Variants in SLC25A12 observed in about 807,000 individuals in gnomAD.
SLC25A12 encodes the protein solute carrier family 25 member 12, also known as electrogenic aspartate/glutamate antiporter SLC25A12, mitochondrial.
Under a neutral mutation model 83.3 loss-of-function variants are expected in SLC25A12, and 32 were observed. The ratio of observed to expected loss-of-function variants is 0.38; its 90% CI spans 0.29 to 0.52. The LOEUF is 0.52. SLC25A12 is among the 20% of genes least tolerant of loss of function. SLC25A12 has a pLI of 0.84. For synonymous variants in SLC25A12, 267 were observed against 291.1 expected (o/e 0.92, Z 0.84); for missense variants, 611 against 835.6 (o/e 0.73, Z 3.31).
chr2:171,819,242 A>G (rs1325319807), intron 9 of SLC25A12, among the ~76,000 whole-genome samples: 1 of 126,502 alleles, frequency 7.9e-6, no homozygotes, highest in Non-Finnish European at 1.6e-5. Context: ...TATATAATAT[A>G]TACTAATATA....
chr2:171,843,944 C>A (rs936819402), intron 5 of SLC25A12, among the ~76,000 whole-genome samples: 1 of 151,856 alleles, frequency 6.6e-6, no homozygotes, highest in Non-Finnish European at 1.5e-5. Flanking sequence ...TACAGGCGCC[C>A]GCCACCACAC....
At chr2:171,849,138 C>T (rs774348274) in intron 4 of SLC25A12, among the ~76,000 whole-genome samples, 1 of 151,694 alleles carries the variant, frequency 6.6e-6, no homozygotes, top group African/African-American at 2.4e-5. Flanking sequence ...TGCAGTGAGC[C>T]GAGATCACAC....
intron 13 of SLC25A12, among the ~76,000 whole-genome samples, chr2:171,806,483 C>T (rs574901715): frequency 6.6e-6 from 1 of 152,024 alleles, no homozygotes; most frequent in East Asian, 1.9e-4. Context: ...AAAAACAAAC[C>T]AGATAATAAA....
chr2:171,831,792 G>A (rs140822246), intron 8 of SLC25A12, among the ~76,000 whole-genome samples: 97 of 152,106 alleles, frequency 6.4e-4, no homozygotes, highest in African/African-American at 1.9e-3. Flanking sequence ...CCAGCTACTC[G>A]GGAGGCTGAG....
chr2:171,786,311 G>A (rs943755238), intron 17 of SLC25A12, among the ~76,000 whole-genome samples: 1 of 150,924 alleles, frequency 6.6e-6, no homozygotes, highest in African/African-American at 2.4e-5. Flanking sequence ...TTGAACCTGG[G>A]AGGTGGAGGT....
intron 13 of SLC25A12, among the ~76,000 whole-genome samples, chr2:171,799,239 G>C (rs951781520): frequency 2.0e-5 from 3 of 152,160 alleles, no homozygotes; most frequent in Non-Finnish European, 4.4e-5. Flanking sequence ...TTTAATAGCA[G>C]CCAAAATGAA....
At position 171,814,660 on chromosome 2, in the gene SLC25A12, T is replaced by C. The variant is rs562300975; in HGVS notation, c.1012+461A>G. On this transcript the variant is annotated intron_variant, in intron 10 of 17. Coordinates refer to ENST00000422440, the MANE Select transcript of SLC25A12 (RefSeq NM_003705.5). ...CCTTCCTGCCACCCTCCCCCACAAG[T>C]AGACCCCAGTGTCTGTTGTTTCCTT... 1.1e-4 allele frequency among the ~76,000 whole-genome samples: 17 copies of C among 151,466 alleles called. No homozygotes were observed. The East Asian group carries it at 1.7e-3, about 16-fold the overall frequency.
chr2:171,836,070 CCTTTCTCT>C (rs1424264553), intron 6 of SLC25A12, among the ~76,000 whole-genome samples: 1 of 152,142 alleles, frequency 6.6e-6, no homozygotes, highest in Non-Finnish European at 1.5e-5. Flanking sequence ...TCCTTCCCTC[CCTTTCTCT>C]CTTTCTCTCT....
In SLC25A12 at chr2:171,844,376, A is replaced by G; in HGVS notation, c.458T>C (p.Phe153Ser). The G allele has an allele frequency of 6.2e-7, 1 of 1,614,018 alleles. No homozygotes were observed. Among genetic ancestry groups the G allele is most frequent in the Non-Finnish European group, 8.5e-7 (1 of 1,179,944 alleles). The part of the protein sequence containing the change: ...KHLNYTEFTQ[F>S]LQELQLEHAR... ...TATGAAAACTAAGCTCACCTGGAGA[A>G]ACTGCGTGAATTCTGTGTAGTTAAG... is the stretch of plus-strand genomic sequence containing the variant. Residue 153 changes from phenylalanine to serine, a missense_variant, in exon 5 of 18, where the codon TTT becomes TCT. Transcript: ENST00000422440.
intron 17 of SLC25A12, among the ~76,000 whole-genome samples, chr2:171,785,990 G>A (rs1037242788): frequency 6.6e-6 from 1 of 151,950 alleles, no homozygotes; most frequent in Non-Finnish European, 1.5e-5. Context: ...ACATATGAAA[G>A]TAATTTTTAA....
chr2:171,851,834 C>A (rs1684940647), intron 4 of SLC25A12, among the ~76,000 whole-genome samples: 1 of 152,114 alleles, frequency 6.6e-6, no homozygotes, highest in South Asian at 2.1e-4. Context: ...TGCTCCCGGC[C>A]TTTTTTTCAA....
At chr2:171,826,043 CT>C (rs531861398) in intron 9 of SLC25A12, among the ~76,000 whole-genome samples, 16 of 151,458 alleles carry the variant, frequency 1.1e-4, no homozygotes, top group African/African-American at 3.6e-4. Flanking sequence ...TCACTAATTA[CT>C]TTTTTTTTCC....
At chr2:171,791,705 TGAG>T in intron 14 of SLC25A12, 116 bp from the exon 15 acceptor site, 2 of 958,966 alleles carry the variant, frequency 2.1e-6, no homozygotes, top group Non-Finnish European at 3.4e-6. Flanking sequence ...GTGACAAGCC[TGAG>T]GTGTCCCTTA....
intron 8 of SLC25A12, among the ~76,000 whole-genome samples, chr2:171,827,959 T>C (rs777533573): frequency 6.6e-6 from 1 of 152,118 alleles, no homozygotes; most frequent in Non-Finnish European, 1.5e-5. Flanking sequence ...CCCTTTCTGC[T>C]CTCTTTCCCT....
At chr2:171,803,808 A>AAT (rs1683762815) in intron 13 of SLC25A12, among the ~76,000 whole-genome samples, 2 of 60,944 alleles carry the variant, frequency 3.3e-5, no homozygotes, top group Non-Finnish European at 8.8e-5. Context: ...TATTTAAAAA[A>AAT]ATACACACAC....
chr2:171,876,548 G>GA, intron 2 of SLC25A12, among the ~76,000 whole-genome samples: 1 of 143,670 alleles, frequency 7.0e-6, no homozygotes, highest in Non-Finnish European at 1.5e-5. Context: ...TTTTTTGGGG[G>GA]GGGGGGGACT....
At chr2:171,822,265 T>G (rs1287600545) in intron 9 of SLC25A12, among the ~76,000 whole-genome samples, 1 of 152,216 alleles carries the variant, frequency 6.6e-6, no homozygotes, top group African/African-American at 2.4e-5. Context: ...ATAACAGTAA[T>G]AAGCACAATA....
chr2:171,803,225 T>C (rs1683748821), intron 13 of SLC25A12, among the ~76,000 whole-genome samples: 1 of 151,506 alleles, frequency 6.6e-6, no homozygotes, highest in Non-Finnish European at 1.5e-5. Context: ...GGCATACATA[T>C]AAAGTCAATT....
intron 5 of SLC25A12, among the ~76,000 whole-genome samples, chr2:171,837,525 C>T (rs1318426454): frequency 6.6e-6 from 1 of 152,000 alleles, no homozygotes; most frequent in South Asian, 2.1e-4. Flanking sequence ...AAAAAATAAC[C>T]CTTAGATTTT....
Sources: allele counts gnomAD v4.1 joint callset (sites outside exome capture counted in the v4.1 genomes callset), GRCh38; gene constraint gnomAD v4.1.1; transcripts MANE v1.5; gene names NCBI Gene and HGNC (gene_info 2026-07-23, HGNC 2026-07-21).